RPRD1B: variants seen among roughly 807,000 people sequenced by gnomAD.
RPRD1B encodes regulation of nuclear pre-mRNA domain containing 1B.
RPRD1B carries 11 observed loss-of-function variants against 41.5 expected under a neutral mutation model. That is an observed-to-expected ratio of 0.27 (90% CI 0.17 to 0.44). RPRD1B has a LOEUF of 0.44. RPRD1B is among the 20% of genes least tolerant of loss of function. RPRD1B has a pLI of 1.00. For missense variants in RPRD1B, 248 were observed against 389.9 expected, an observed-to-expected ratio of 0.64 and a Z score of 3.06; for synonymous variants, 158 against 155.6, an observed-to-expected ratio of 1.02 and a Z score of -0.12.
In RPRD1B at chr20:38,069,342, A is replaced by T. The variant is rs117666894; in HGVS notation, c.831+3086A>T. Among the ~76,000 whole-genome samples the T allele has an allele frequency of 9.2e-3, 1,405 of 152,360 alleles. 11 individuals carry two copies. Among genetic ancestry groups the T allele is most frequent in the Non-Finnish European group, 0.013 (907 of 68,036 alleles). The stretch of plus-strand genomic sequence containing the variant: ...ACATAAAACCAAACCACTTGATCGT[A>T]CATAATGTAGATTAAGGAGGCATTT... On this transcript the variant is annotated intron_variant, in intron 6 of 6. Transcript: ENST00000373433.
In RPRD1B at chr20:38,090,148, C is replaced by G; in HGVS notation, c.*273C>G. The G allele has an allele frequency of 8.7e-7, 1 of 1,153,146 alleles. No homozygotes were observed. 71.4% of individuals were successfully genotyped at this position (1,153,146 alleles called of 1,614,324 possible). On this transcript the variant is annotated 3_prime_UTR_variant, in exon 7 of 7. Transcript: ENST00000373433. ...ATTTTCATGCCCCCCTGTTGGTTTTCCATTCTTAACTGTCTCCTTATACCT... is the reference window on the plus strand; with the variant it reads ...ATTTTCATGCCCCCCTGTTGGTTTTGCATTCTTAACTGTCTCCTTATACCT...
At position 38,091,802 on chromosome 20, in the gene RPRD1B, G is replaced by A. The variant is rs187170319; in HGVS notation, c.*1927G>A. On this transcript the variant is annotated 3_prime_UTR_variant, in exon 7 of 7. Coordinates refer to ENST00000373433, the MANE Select transcript of RPRD1B (RefSeq NM_021215.4). ...AACTAGATGAAAATATAGCAGAATG[G>A]ATTTAGCCCACTGCTCTGTTTTATC... 6,763 of 985,750 alleles carry A rather than the reference G, an allele frequency of 6.9e-3. 20 individuals carry two copies. Among genetic ancestry groups the A allele is most frequent in the Middle Eastern group, 0.018 (34 of 1,914 alleles). 61.1% of individuals were successfully genotyped at this position (985,750 alleles called of 1,614,324 possible). A position where few individuals can be genotyped will look rare whatever the true frequency, so the allele number is the denominator to read the frequency against.
chr20:38,035,491 A>G (rs2073992780), intron 1 of RPRD1B, among the ~76,000 whole-genome samples: 1 of 152,162 alleles, frequency 6.6e-6, no homozygotes, highest in African/African-American at 2.4e-5. Flanking sequence ...AAACACCAAA[A>G]TCTTCATGAT....
chr20:38,033,920 C>T lies in RPRD1B; in HGVS notation c.-28C>T. The T allele has an allele frequency of 6.3e-7, 1 of 1,590,586 alleles. No individual in the cohort carries two copies. The highest frequency in any genetic ancestry group is 8.6e-7 in the Non-Finnish European group (1 of 1,167,468). On this transcript the variant is annotated 5_prime_UTR_variant, in exon 1 of 7. Coordinates refer to ENST00000373433, the MANE Select transcript of RPRD1B (RefSeq NM_021215.4). Reference sequence around the variant, plus strand: ...CCGCCGCACTGGGCGGCCCAGGCCGCTCCCTGCCGGGCCTCACTGCCGCCA... The same window carrying T: ...CCGCCGCACTGGGCGGCCCAGGCCGTTCCCTGCCGGGCCTCACTGCCGCCA...
intron 3 of RPRD1B, among the ~76,000 whole-genome samples, chr20:38,055,317 A>G (rs2074227971): frequency 6.6e-6 from 1 of 152,212 alleles, no homozygotes. Flanking sequence ...TATAATTTAG[A>G]TACATATCAG....
At chr20:38,077,376 C>CT (rs1417552597) in intron 6 of RPRD1B, among the ~76,000 whole-genome samples, 1 of 152,136 alleles carries the variant, frequency 6.6e-6, no homozygotes, top group African/African-American at 2.4e-5. Flanking sequence ...CTGCGACAGA[C>CT]TGTCTCCTTC....
intron 5 of RPRD1B, among the ~76,000 whole-genome samples, chr20:38,061,695 A>G (rs906255786): frequency 1.3e-5 from 2 of 152,114 alleles, no homozygotes; most frequent in African/African-American, 4.8e-5. Context: ...CTGTCTCTCT[A>G]CTTCCCGTCC....
chr20:38,052,829 G>A (rs1226279257), intron 3 of RPRD1B, among the ~76,000 whole-genome samples: 1 of 142,134 alleles, frequency 7.0e-6, no homozygotes, highest in Non-Finnish European at 1.5e-5. Context: ...CAGCTTTACG[G>A]TAGATGGCTG....
intron 6 of RPRD1B, among the ~76,000 whole-genome samples, chr20:38,086,133 C>T (rs1230596985): frequency 6.6e-6 from 1 of 152,070 alleles, no homozygotes; most frequent in Non-Finnish European, 1.5e-5. Flanking sequence ...CTGTTAATTT[C>T]TTCTGTTGGT....
intron 3 of RPRD1B, among the ~76,000 whole-genome samples, chr20:38,052,187 A>G (rs1188937682): frequency 6.6e-6 from 1 of 152,240 alleles, no homozygotes; most frequent in African/African-American, 2.4e-5. Flanking sequence ...GAGATAATGC[A>G]GGTAAGATAT....
intron 6 of RPRD1B, among the ~76,000 whole-genome samples, chr20:38,088,071 G>A (rs950386733): frequency 2.0e-5 from 3 of 152,158 alleles, no homozygotes; most frequent in East Asian, 1.9e-4. Context: ...TGGGCTGCTA[G>A]GAGAGCTCAC....
intron 5 of RPRD1B, among the ~76,000 whole-genome samples, chr20:38,063,317 G>A (rs186482144): frequency 7.2e-5 from 11 of 152,272 alleles, no homozygotes; most frequent in Admixed American, 3.9e-4. Flanking sequence ...CAGCTGATAA[G>A]TAAGCATAAT....
chr20:38,091,087 A>G lies in RPRD1B; in HGVS notation c.*1212A>G. On this transcript the variant is annotated 3_prime_UTR_variant, in exon 7 of 7. Transcript: ENST00000373433. ...TAGAGACAATTTTTATCTTGCTTAT[A>G]GTAAAGGTTCAGCCTGCCAATTGTA... is the stretch of plus-strand genomic sequence containing the variant. 3.0e-6 allele frequency: 3 copies of G among 985,868 alleles called. No individual in the cohort carries two copies. The highest frequency in any genetic ancestry group is 3.6e-6 in the Non-Finnish European group (3 of 829,920). 61.1% of individuals were successfully genotyped at this position (985,868 alleles called of 1,614,324 possible).
chr20:38,070,355 C>A (rs2074399419), intron 6 of RPRD1B: 4 of 985,352 alleles, frequency 4.1e-6, no homozygotes, highest in Non-Finnish European at 4.8e-6. Context: ...GGAGAAGGCA[C>A]GTGGAAGGAA....
intron 3 of RPRD1B, among the ~76,000 whole-genome samples, chr20:38,057,076 G>T (rs1314675182): frequency 6.6e-6 from 1 of 151,996 alleles, no homozygotes; most frequent in Non-Finnish European, 1.5e-5. Context: ...ATTTTTAGGG[G>T]AATAGTGTAA....
intron 1 of RPRD1B, among the ~76,000 whole-genome samples, chr20:38,035,998 T>C (rs1315823980): frequency 6.6e-6 from 1 of 152,046 alleles, no homozygotes; most frequent in Non-Finnish European, 1.5e-5. Context: ...TCTCCTGACC[T>C]TGTGATGCCC....
At chr20:38,086,381 A>C (rs931896955) in intron 6 of RPRD1B, among the ~76,000 whole-genome samples, 2 of 152,320 alleles carry the variant, frequency 1.3e-5, no homozygotes, top group East Asian at 3.9e-4. Context: ...ACATGTTTTA[A>C]CAGTTTTAAA....
chr20:38,036,145 A>G (rs1444737757), intron 1 of RPRD1B, among the ~76,000 whole-genome samples: 2 of 152,176 alleles, frequency 1.3e-5, no homozygotes, highest in African/African-American at 4.8e-5. Flanking sequence ...ATTAGAGAGT[A>G]CATTTGTGTA....
At chr20:38,045,185 A>T (rs2074109036) in intron 2 of RPRD1B, among the ~76,000 whole-genome samples, 3 of 152,260 alleles carry the variant, frequency 2.0e-5, no homozygotes, top group Non-Finnish European at 4.4e-5. Context: ...TAAGTTGTGT[A>T]TGTAATTATT....
Sources: allele counts gnomAD v4.1 joint callset (sites outside exome capture counted in the v4.1 genomes callset), GRCh38; gene constraint gnomAD v4.1.1; transcripts MANE v1.5; gene names NCBI Gene and HGNC (gene_info 2026-07-23, HGNC 2026-07-21).